The following PPP1R13B variants were observed in gnomAD, a reference collection of about 807,000 sequenced individuals.
The protein encoded by PPP1R13B is apoptosis-stimulating of p53 protein 1.
In PPP1R13B, 44 loss-of-function variants were observed where a neutral mutation model predicts 119.8. The ratio of observed to expected loss-of-function variants is 0.37; its 90% CI spans 0.29 to 0.47. PPP1R13B has a LOEUF of 0.47. Among genes scored for constraint, PPP1R13B ranks in the 20% least tolerant of loss-of-function variants. PPP1R13B has a pLI of 0.99. For synonymous variants in PPP1R13B, 542 were observed against 561.5 expected, an observed-to-expected ratio of 0.97 and a Z score of 0.49; for missense variants, 1,227 against 1,413.5, an observed-to-expected ratio of 0.87 and a Z score of 2.12.
intron 4 of PPP1R13B, among the ~76,000 whole-genome samples, chr14:103,766,355 G>GCCAGA (rs1176060952): frequency 6.6e-6 from 1 of 152,058 alleles, no homozygotes; most frequent in Non-Finnish European, 1.5e-5. Flanking sequence ...GAAAGCTAAG[G>GCCAGA]CTCTGGGCAG....
chr14:103,830,416 TAAC>T (rs2086641806), intron 1 of PPP1R13B, among the ~76,000 whole-genome samples: 1 of 152,122 alleles, frequency 6.6e-6, no homozygotes, highest in African/African-American at 2.4e-5. Flanking sequence ...TCTTTTTATG[TAAC>T]AACTCATTTA....
intron 1 of PPP1R13B, among the ~76,000 whole-genome samples, chr14:103,819,573 T>C (rs1344301865): frequency 6.7e-6 from 1 of 148,526 alleles, no homozygotes; most frequent in Non-Finnish European, 1.5e-5. Flanking sequence ...GAGGCTAATA[T>C]AAAAATCCAG....
At chr14:103,797,675 T>C (rs1397985687) in intron 1 of PPP1R13B, among the ~76,000 whole-genome samples, 157 bp from the exon 2 acceptor site, 1 of 137,652 alleles carries the variant, frequency 7.3e-6, no homozygotes, top group East Asian at 2.1e-4. Context: ...CTAAAGTTCA[T>C]GTAGAAAGAT....
intron 1 of PPP1R13B, among the ~76,000 whole-genome samples, chr14:103,820,146 C>T (rs1332146497): frequency 6.6e-6 from 1 of 152,162 alleles, no homozygotes; most frequent in Non-Finnish European, 1.5e-5. Flanking sequence ...CAGCAACTTC[C>T]CTAGGGAGGG....
In PPP1R13B at chr14:103,740,567, C is replaced by G. The variant is rs1484710279; in HGVS notation, c.1849G>C (p.Gly617Arg). The G allele has an allele frequency of 4.6e-5, 71 of 1,541,638 alleles. No homozygotes were observed. Among genetic ancestry groups the G allele is most frequent in the Non-Finnish European group, 6.1e-5 (70 of 1,142,164 alleles). ...GGCAGCGGCGATGGAGAGGTTGAACCCGAAGGTAAAACGGGCTTACCATAC... is the reference window on the plus strand; with the variant it reads ...GGCAGCGGCGATGGAGAGGTTGAACGCGAAGGTAAAACGGGCTTACCATAC... ...AVYGKPVLPS[G>R]STSPSPLPFL... Residue 617 changes from glycine (G) to arginine (R), a missense_variant, in exon 12 of 17, where the codon GGT (glycine) becomes CGT (arginine). Gly to Arg is a moderately radical substitution (Grantham distance 125). Transcript: ENST00000202556. This position sits in a 1 kb window ranked among gnomAD's most constrained non-coding sequence, Gnocchi z 4.6.
chr14:103,743,621 A>G (rs1345722202), intron 9 of PPP1R13B, among the ~76,000 whole-genome samples: 1 of 152,222 alleles, frequency 6.6e-6, no homozygotes, highest in Non-Finnish European at 1.5e-5. Context: ...CGCCATCAGC[A>G]ATATGGGACA....
At chr14:103,783,173 G>A (rs78631521) in intron 3 of PPP1R13B, among the ~76,000 whole-genome samples, 3,296 of 151,958 alleles carry the variant, frequency 0.022, 53 homozygotes, top group Non-Finnish European at 0.034. Context: ...TGCAATATGA[G>A]CTACAAATGC....
At chr14:103,756,823 A>G (rs1174521040) in intron 5 of PPP1R13B, among the ~76,000 whole-genome samples, 1 of 152,072 alleles carries the variant, frequency 6.6e-6, no homozygotes. Context: ...CAGTGGCACA[A>G]TCTCGGCTCA....
At chr14:103,772,674 TC>T (rs996031913) in intron 4 of PPP1R13B, among the ~76,000 whole-genome samples, 2 of 145,082 alleles carry the variant, frequency 1.4e-5, no homozygotes, top group Admixed American at 6.9e-5. Flanking sequence ...TGTTTCTTTT[TC>T]TTTTTTTTTT....
chr14:103,810,598 T>C, intron 1 of PPP1R13B, among the ~76,000 whole-genome samples: 1 of 149,944 alleles, frequency 6.7e-6, no homozygotes, highest in African/African-American at 2.5e-5. Context: ...ACAGTGAAAC[T>C]CGTCTCTACT....
At position 103,739,650 on chromosome 14, in the gene PPP1R13B, C is replaced by A. The variant is rs150294490; in HGVS notation, c.2592+174G>T. ...GTGTGGCCGAGCCCCATTTGTCATGCCTTTTCATGCCCCATTTGTCTGTGT... is the reference window on the plus strand; with the variant it reads ...GTGTGGCCGAGCCCCATTTGTCATGACTTTTCATGCCCCATTTGTCTGTGT... On this transcript the variant is annotated intron_variant, in intron 12 of 16. Transcript: ENST00000202556. Among the ~76,000 whole-genome samples the A allele has an allele frequency of 9.4e-3, 1,427 of 152,356 alleles. 9 individuals are homozygous for A. The highest frequency in any genetic ancestry group is 0.013 in the Non-Finnish European group (875 of 68,042).
In PPP1R13B at chr14:103,742,801, T is replaced by C; in HGVS notation, c.1173A>G (p.Thr391=). Residue 391 remains threonine, a synonymous_variant, in exon 10 of 17, where the codon ACA becomes ACG. Transcript: ENST00000202556. This position sits in a 1 kb window ranked among gnomAD's most constrained non-coding sequence, Gnocchi z 4.9. ...SKSANDGNWP[T]LKQNSSSSVK... Reference sequence around the variant, plus strand: ...CGGAAGAGCTAGAATTCTGTTTTAATGTTGGCCAGTTTCCATCATTAGCTT... The same window carrying C: ...CGGAAGAGCTAGAATTCTGTTTTAACGTTGGCCAGTTTCCATCATTAGCTT... 1 of 1,614,140 alleles carries C rather than the reference T, an allele frequency of 6.2e-7. No individual in the cohort carries two copies. Among genetic ancestry groups the C allele is most frequent in the Non-Finnish European group, 8.5e-7 (1 of 1,180,026 alleles).
chr14:103,737,664 C>A lies in PPP1R13B; in HGVS notation c.3031+30G>T, dbSNP rs1016897024. On this transcript the variant is annotated intron_variant, in intron 15 of 16. Coordinates refer to ENST00000202556, the MANE Select transcript of PPP1R13B (RefSeq NM_015316.3). ...CATGGCAGTACCACAGCAGACAGCA[C>A]CACTGTGGCCCCAGGCCTCCCCTGC... The A allele has an allele frequency of 8.1e-6, 13 of 1,607,746 alleles. No individual in the cohort carries two copies. In the African/African-American group the frequency reaches 1.2e-4, roughly 15 times the overall value.
chr14:103,749,582 C>T (rs1243242154), intron 8 of PPP1R13B, among the ~76,000 whole-genome samples: 2 of 152,216 alleles, frequency 1.3e-5, no homozygotes, highest in South Asian at 2.1e-4. Flanking sequence ...GAGAGCAAGG[C>T]TGCAGGCTGA....
chr14:103,795,887 A>G (rs747406213), intron 2 of PPP1R13B, among the ~76,000 whole-genome samples: 1 of 152,102 alleles, frequency 6.6e-6, no homozygotes, highest in Non-Finnish European at 1.5e-5. Context: ...AGTAAAAAGC[A>G]CAAGACCTTG....
chr14:103,818,710 C>T (rs2086335278), intron 1 of PPP1R13B, among the ~76,000 whole-genome samples: 1 of 152,138 alleles, frequency 6.6e-6, no homozygotes, highest in African/African-American at 2.4e-5. Flanking sequence ...AAGAAAAACA[C>T]TTGATGAAAA....
chr14:103,735,945 C>G, intron 16 of PPP1R13B, 58 bp downstream of exon 16: 1 of 1,569,758 alleles, frequency 6.4e-7, no homozygotes, highest in Non-Finnish European at 8.7e-7. Flanking sequence ...AGGATAGGAC[C>G]GCATGCTGTA....
chr14:103,778,897 T>C, intron 3 of PPP1R13B, 76 bp from the exon 4 acceptor site: 2 of 1,150,846 alleles, frequency 1.7e-6, no homozygotes, highest in African/African-American at 1.5e-5. Flanking sequence ...CTTCATGTAT[T>C]CAAATATTTA....
chr14:103,797,202 C>G, intron 2 of PPP1R13B, 169 bp downstream of exon 2: 2 of 532,764 alleles, frequency 3.8e-6, no homozygotes, highest in Non-Finnish European at 6.3e-6. Context: ...CCACAGATAA[C>G]TAAGAACTAC....
Sources: allele counts gnomAD v4.1 joint callset (sites outside exome capture counted in the v4.1 genomes callset), GRCh38; gene constraint gnomAD v4.1.1; non-coding constraint Gnocchi (gnomAD v3.1); transcripts MANE v1.5; gene names NCBI Gene and HGNC (gene_info 2026-07-23, HGNC 2026-07-21).